Variants in ERICH6 observed in about 807,000 individuals in gnomAD.
The protein encoded by ERICH6 is glutamate rich 6, also known as glutamate-rich protein 6.
Under a neutral mutation model 71.0 loss-of-function variants are expected in ERICH6, and 71 were observed. That is an observed-to-expected ratio of 1.00 (90% CI 0.83 to 1.22). The LOEUF (loss-of-function observed/expected upper bound fraction) is 1.22. Among genes scored for constraint, ERICH6 ranks in the 50% most tolerant of loss-of-function variants. ERICH6 has a pLI of 0.00. For missense variants in ERICH6, 808 were observed against 797.2 expected (o/e 1.01, Z -0.16); for synonymous variants, 262 against 278.4 (o/e 0.94, Z 0.59).
In ERICH6 at chr3:150,682,301, T is replaced by G. The variant is rs113746092; in HGVS notation, c.799A>C (p.Thr267Pro). ...GINFKDEEEE[T>P]SPKCEFCGSD... Reference sequence around the variant, plus strand: ...CCACAAAATTCACATTTGGGTGATGTCTCCTCCTCTTCATCCTTCAGAGAG... The same window carrying G: ...CCACAAAATTCACATTTGGGTGATGGCTCCTCCTCTTCATCCTTCAGAGAG... The change falls in exon 7 of 14, where the codon ACA (threonine) becomes CCA (proline). Residue 267 changes from threonine to proline, a missense_variant. Thr to Pro is a conservative substitution (Grantham distance 38). Transcript: ENST00000295910. 6.2e-7 allele frequency: 1 copy of G among 1,613,118 alleles called. No homozygotes were observed. Among genetic ancestry groups the G allele is most frequent in the African/African-American group, 1.3e-5 (1 of 75,002 alleles).
rs556902138 is a variant in ERICH6 at position 150,685,976 on chromosome 3, T to C, written c.656A>G (p.Tyr219Cys). 2 of 1,604,330 alleles carry C rather than the reference T, an allele frequency of 1.2e-6. No individual in the cohort carries two copies. ...ATAAACATTTCTTACCTCCAGCTCA[T>C]ATAAAATATTTAGTTTCGACTCTTC... ...NPEESKLNIL[Y>C]ELEFKEDFIT... The change falls in exon 5 of 14, where the codon TAT (tyrosine) becomes TGT (cysteine). Residue 219 changes from tyrosine (Y) to cysteine (C), a missense_variant. Coordinates refer to ENST00000295910, the MANE Select transcript of ERICH6 (RefSeq NM_152394.5).
chr3:150,660,450 C>T (rs1296918688), intron 13 of ERICH6, among the ~76,000 whole-genome samples: 2 of 152,096 alleles, frequency 1.3e-5, no homozygotes, highest in Non-Finnish European at 2.9e-5. Context: ...AGACACAGTC[C>T]CTTGCCTGGA....
intron 3 of ERICH6, among the ~76,000 whole-genome samples, chr3:150,695,601 G>A (rs1314072802): frequency 1.3e-5 from 2 of 152,090 alleles, no homozygotes; most frequent in Non-Finnish European, 2.9e-5. Context: ...CTGGGAGGCG[G>A]AGGTTACAGT....
chr3:150,686,201 T>C, intron 4 of ERICH6, 97 bp downstream of exon 4: 2 of 1,431,644 alleles, frequency 1.4e-6, no homozygotes, highest in Non-Finnish European at 2.0e-6. Flanking sequence ...AGGTGAGTCC[T>C]TTTTCAAAGC....
Position 150,703,534 on chromosome 3 carries a change from G to T in ERICH6, c.365C>A (p.Pro122Gln). ...GGTGCTGGAGGGTGGGCTTGCGCTC[G>T]GCGTTTCAGTGCTGGTCGCGCTCTG... ...PSQSATSTETPSASPPSSTSS... is the reference protein window; with the variant it reads ...PSQSATSTETQSASPPSSTSS... The change falls in exon 1 of 14, where the codon CCG (proline) becomes CAG (glutamine). Residue 122 changes from proline to glutamine, a missense_variant. By Grantham distance (76) the Pro-to-Gln change is moderately conservative (BLOSUM62 -1). Coordinates refer to ENST00000295910, the MANE Select transcript of ERICH6 (RefSeq NM_152394.5). The T allele has an allele frequency of 6.2e-7, 1 of 1,610,462 alleles. No homozygotes were observed. Among genetic ancestry groups the T allele is most frequent in the Non-Finnish European group, 8.5e-7 (1 of 1,178,244 alleles).
At position 150,685,129 on chromosome 3, in the gene ERICH6, C is replaced by G. The variant is rs973282905; in HGVS notation, c.783+613G>C. On this transcript the variant is annotated intron_variant, in intron 6 of 13. Transcript: ENST00000295910. ...GGATTACAGGTGTGAGCCACCGTGT[C>G]TGGCCTGTTTCCAGGCTTTGCGGCC... Among the ~76,000 whole-genome samples, 4 of 152,290 alleles carry G rather than the reference C, an allele frequency of 2.6e-5. No homozygotes were observed. In the East Asian group the frequency reaches 5.8e-4, roughly 22 times the overall value.
chr3:150,660,118 A>G lies in ERICH6; in HGVS notation c.1766T>C (p.Val589Ala). Residue 589 changes from valine (V) to alanine (A), a missense_variant, in exon 14 of 14, where the codon GTA becomes GCA. Transcript: ENST00000295910. ...CAGCAGAAGAAGGTCATCTCCACTTACGTATCGGAGGATTGGAATCTCCTC... is the reference window on the plus strand; with the variant it reads ...CAGCAGAAGAAGGTCATCTCCACTTGCGTATCGGAGGATTGGAATCTCCTC... ...NPEEIPILRY[V>A]SGDDLLLLAS... is the part of the protein sequence containing the mutation. 1 of 1,614,004 alleles carries G rather than the reference A, an allele frequency of 6.2e-7. No individual in the cohort carries two copies. Among genetic ancestry groups the G allele is most frequent in the African/African-American group, 1.3e-5 (1 of 75,020 alleles).
In ERICH6 at chr3:150,702,237, C is replaced by T. The variant is rs1023425011; in HGVS notation, c.404-59G>A. The stretch of plus-strand genomic sequence containing the variant: ...CCTCTAAATCAAAAGGTCAATTCTA[C>T]CCCCCCCAGGAACACATGGCAATGT... On this transcript the variant is annotated intron_variant, in intron 1 of 13. Coordinates refer to ENST00000295910, the MANE Select transcript of ERICH6 (RefSeq NM_152394.5). 2.2e-5 allele frequency: 21 copies of T among 949,918 alleles called. No individual in the cohort carries two copies. In the East Asian group the frequency reaches 2.9e-4, roughly 13 times the overall value. The allele number at this position is 949,918 out of a possible 1,614,324, so 58.8% of individuals were successfully genotyped here.
intron 10 of ERICH6, among the ~76,000 whole-genome samples, chr3:150,675,888 G>A (rs1274979609): frequency 1.6e-5 from 2 of 124,456 alleles, no homozygotes; most frequent in African/African-American, 3.0e-5. Context: ...TTGGTTTTCT[G>A]CAGTTTCACT....
chr3:150,700,241 A>ATTTTTTTTTTTTT (rs34624356), intron 2 of ERICH6, among the ~76,000 whole-genome samples: 73 of 110,944 alleles, frequency 6.6e-4, no homozygotes, highest in African/African-American at 1.8e-3. Context: ...TGCCCGGCTA[A>ATTTTTTTTTTTTT]TTTTTTTTTT....
At position 150,703,753 on chromosome 3, in the gene ERICH6, T is replaced by A. The variant is rs373770678; in HGVS notation, c.146A>T (p.Glu49Val). Residue 49 changes from glutamate (E) to valine (V), a missense_variant, in exon 1 of 14, where the codon GAG becomes GTG. By Grantham distance (121) the Glu-to-Val change is moderately radical. Coordinates refer to ENST00000295910, the MANE Select transcript of ERICH6 (RefSeq NM_152394.5). ...EEVEEEEEEVEEEEEEVVEEE... is the reference protein window; with the variant it reads ...EEVEEEEEEVVEEEEEVVEEE... ...CTCCACCACCTCCTCCTCCTCCTCC[T>A]CCACCTCTTCCTCCTCCTCCTCCAC... The A allele has an allele frequency of 1.7e-4, 273 of 1,566,398 alleles. No homozygotes were observed. The highest frequency in any genetic ancestry group is 2.1e-4 in the Non-Finnish European group (246 of 1,163,082).
chr3:150,688,746 C>CTCCCGGCTTTGAGTTG (rs1559918606), intron 3 of ERICH6, among the ~76,000 whole-genome samples: 1 of 152,232 alleles, frequency 6.6e-6, no homozygotes, highest in African/African-American at 2.4e-5. Flanking sequence ...TGGGAGCCCC[C>CTCCCGGCTTTGAGTTG]TCCCGGCTTT....
At chr3:150,676,901 T>C (rs6792249) in intron 10 of ERICH6, among the ~76,000 whole-genome samples, 60,567 of 151,476 alleles carry the variant, frequency 0.4, 13,178 homozygotes, top group African/African-American at 0.58. Context: ...GCAACCTCTG[T>C]CTCCCAGGTT....
chr3:150,698,747 G>A, intron 3 of ERICH6, 44 bp downstream of exon 3: 1 of 1,492,032 alleles, frequency 6.7e-7, no homozygotes, highest in Non-Finnish European at 9.3e-7. Context: ...TTTCCAACAT[G>A]CAATCCCTCC....
intron 3 of ERICH6, among the ~76,000 whole-genome samples, chr3:150,688,395 A>G (rs749985793): frequency 4.6e-5 from 7 of 152,228 alleles, no homozygotes; most frequent in Non-Finnish European, 1.0e-4. Flanking sequence ...CAATAACTGT[A>G]TATGACGAAA....
intron 5 of ERICH6, 31 bp from the exon 6 acceptor site, chr3:150,685,889 G>A: frequency 6.2e-7 from 1 of 1,608,326 alleles, no homozygotes; most frequent in Non-Finnish European, 8.5e-7. Context: ...GGGTGGTGAG[G>A]GGAAATAATT....
At chr3:150,698,720 C>T (rs1369744995) in intron 3 of ERICH6, 71 bp downstream of exon 3, 1 of 1,292,956 alleles carries the variant, frequency 7.7e-7, no homozygotes, top group Non-Finnish European at 1.1e-6. Flanking sequence ...CTGTACTGGC[C>T]TTCTACACCT....
intron 1 of ERICH6, 83 bp from the exon 2 acceptor site, chr3:150,702,261 G>A: frequency 2.2e-6 from 1 of 457,418 alleles, no homozygotes; most frequent in Non-Finnish European, 4.0e-6. Context: ...ACATGGCAAT[G>A]TCTGGAGACT....
rs1273699650 is a variant in ERICH6 at position 150,680,882 on chromosome 3, C to T, written c.931G>A (p.Glu311Lys). The change falls in exon 8 of 14, where the codon GAG (glutamate) becomes AAG (lysine). Residue 311 changes from glutamate to lysine, a missense_variant. Physicochemically the swap from Glu to Lys is moderately conservative, Grantham distance 56 (BLOSUM62 1). Coordinates refer to ENST00000295910, the MANE Select transcript of ERICH6 (RefSeq NM_152394.5). ...FQNLIDYIYE[E>K]QIKTKPPKAE... The stretch of plus-strand genomic sequence containing the variant: ...TTAGGGGGTTTGGTTTTTATTTGCT[C>T]CTCATAGATATAGTCAATCAGATTT... 4.3e-6 allele frequency: 7 copies of T among 1,613,664 alleles called. No individual in the cohort carries two copies. Among genetic ancestry groups the T allele is most frequent in the Non-Finnish European group, 5.9e-6 (7 of 1,179,906 alleles).
Sources: gnomAD v4.1 joint callset for allele counts (sites outside exome capture counted in the v4.1 genomes callset) on GRCh38, gnomAD v4.1.1 for gene constraint, MANE v1.5 for transcripts, NCBI Gene and HGNC (gene_info 2026-07-23, HGNC 2026-07-21) for gene names.